ANAPC10: variants seen among roughly 807,000 people sequenced by gnomAD.
ANAPC10 encodes anaphase promoting complex subunit 10.
ANAPC10 carries 12 observed loss-of-function variants against 22.0 expected under a neutral mutation model. That is an observed-to-expected ratio of 0.55 (90% CI 0.35 to 0.88). ANAPC10 has a LOEUF of 0.88. ANAPC10 is among the 40% of genes least tolerant of loss of function. ANAPC10 has a pLI of 0.01. For missense variants in ANAPC10, 188 were observed against 220.9 expected (o/e 0.85, Z 0.94); for synonymous variants, 65 against 69.5 (o/e 0.94, Z 0.32).
intron 4 of ANAPC10, among the ~76,000 whole-genome samples, chr4:145,028,358 G>A (rs760159857): frequency 7.2e-5 from 11 of 152,112 alleles, no homozygotes; most frequent in Non-Finnish European, 1.2e-4. Context: ...TCGAACATAG[G>A]ACTCCCAAGT....
In ANAPC10 at chr4:145,064,299, G is replaced by A. The variant is rs551060032; in HGVS notation, c.327+273C>T. On this transcript the variant is annotated intron_variant, in intron 4 of 4. Transcript: ENST00000507656. The stretch of plus-strand genomic sequence containing the variant: ...CAAATATAGCAAAATATTAACAACT[G>A]AAGAATCTAGGAAGTGAGTATACTG... 18 of 224,674 alleles carry A rather than the reference G, an allele frequency of 8.0e-5. No homozygotes were observed. In the East Asian group the frequency reaches 1.5e-3, roughly 19 times the overall value. 13.9% of individuals were successfully genotyped at this position (224,674 alleles called of 1,614,324 possible). A position where few individuals can be genotyped will look rare whatever the true frequency, so the allele number is the denominator to read the frequency against.
intron 4 of ANAPC10, among the ~76,000 whole-genome samples, chr4:145,003,151 T>C (rs1732834167): frequency 6.6e-6 from 1 of 152,218 alleles, no homozygotes; most frequent in South Asian, 2.1e-4. Flanking sequence ...TTGCTTAGGA[T>C]ACTGGCATCC....
chr4:145,047,142 G>T (rs1488778462), intron 4 of ANAPC10, among the ~76,000 whole-genome samples: 1 of 151,996 alleles, frequency 6.6e-6, no homozygotes, highest in Non-Finnish European at 1.5e-5. Context: ...AAAAAACAGA[G>T]AAATTGTACT....
At chr4:145,036,995 C>CGTGTGTGTGTGTGTGTGTGTGTGT (rs202100756) in intron 4 of ANAPC10, among the ~76,000 whole-genome samples, 2 of 131,122 alleles carry the variant, frequency 1.5e-5, no homozygotes, top group Admixed American at 7.7e-5. Flanking sequence ...AAATAGATAA[C>CGTGTGTGTGTGTGTGTGTGTGTGT]GTGTGTGTGT....
At chr4:145,007,868 CAAA>C (rs141363598) in intron 4 of ANAPC10, among the ~76,000 whole-genome samples, 40 of 145,568 alleles carry the variant, frequency 2.7e-4, no homozygotes, top group African/African-American at 9.7e-4. Context: ...AAAAACCCTT[CAAA>C]AAAAAAAAAA....
chr4:145,086,015 G>C (rs887555409), intron 2 of ANAPC10, among the ~76,000 whole-genome samples: 1 of 151,900 alleles, frequency 6.6e-6, no homozygotes, highest in East Asian at 1.9e-4. Context: ...CCTTTGCAGG[G>C]GGCAGAGCTT....
chr4:145,045,747 A>G (rs1156258756), intron 4 of ANAPC10, among the ~76,000 whole-genome samples: 1 of 152,070 alleles, frequency 6.6e-6, no homozygotes, highest in Non-Finnish European at 1.5e-5. Context: ...TCACACGTCA[A>G]TACTCCTGAT....
At chr4:145,032,002 G>A (rs909712622) in intron 4 of ANAPC10, among the ~76,000 whole-genome samples, 1 of 152,164 alleles carries the variant, frequency 6.6e-6, no homozygotes, top group Admixed American at 6.5e-5. Flanking sequence ...GAGCAGGTCC[G>A]GAAGGCACAA....
chr4:145,055,636 C>T (rs1014901250), intron 4 of ANAPC10, among the ~76,000 whole-genome samples: 1 of 151,668 alleles, frequency 6.6e-6, no homozygotes, highest in African/African-American at 2.4e-5. Context: ...GTACATTATG[C>T]TAAGTGAAGT....
At chr4:145,050,447 C>A (rs189759725) in intron 4 of ANAPC10, among the ~76,000 whole-genome samples, 59 of 152,290 alleles carry the variant, frequency 3.9e-4, no homozygotes, top group African/African-American at 1.4e-3. Flanking sequence ...GTGAGGGCTG[C>A]CTTCAACTTG....
chr4:145,094,657 T>G (rs747432070), intron 2 of ANAPC10, among the ~76,000 whole-genome samples: 8 of 152,170 alleles, frequency 5.3e-5, no homozygotes, highest in Non-Finnish European at 1.0e-4. Context: ...CTAAAGAAAT[T>G]TCTCCAAGCT....
At chr4:145,049,179 A>G (rs2089080102) in intron 4 of ANAPC10, among the ~76,000 whole-genome samples, 2 of 152,214 alleles carry the variant, frequency 1.3e-5, no homozygotes, top group African/African-American at 4.8e-5. Flanking sequence ...AACAAGTTGT[A>G]ATTTTTTTTG....
intron 4 of ANAPC10, among the ~76,000 whole-genome samples, chr4:145,033,747 G>C (rs1737996383): frequency 6.6e-6 from 1 of 152,200 alleles, no homozygotes; most frequent in Non-Finnish European, 1.5e-5. Flanking sequence ...AAGGCAAAGG[G>C]AATACAGAAC....
At chr4:145,016,906 C>T (rs1714273636) in intron 4 of ANAPC10, among the ~76,000 whole-genome samples, 1 of 152,132 alleles carries the variant, frequency 6.6e-6, no homozygotes, top group African/African-American at 2.4e-5. Context: ...GTTGGGAAAA[C>T]TGGCTAGCCA....
At chr4:145,076,623 G>C (rs531987014) in intron 3 of ANAPC10, among the ~76,000 whole-genome samples, 1 of 152,258 alleles carries the variant, frequency 6.6e-6, no homozygotes. Context: ...ACAGACATTT[G>C]GAATTCAGAA....
Position 145,053,004 on chromosome 4 carries a change from C to T in ANAPC10, c.327+11568G>A, listed in dbSNP as rs544744551. Among the ~76,000 whole-genome samples the T allele has an allele frequency of 2.6e-5, 4 of 151,928 alleles. 1 individual carries two copies. In the East Asian group the frequency reaches 7.7e-4, roughly 29 times the overall value. Reference sequence around the variant, plus strand: ...AGCAGTTGCCAGTGTACTATAAATACTATTATTATTTTAGCTAAGTGTGCC... The same window carrying T: ...AGCAGTTGCCAGTGTACTATAAATATTATTATTATTTTAGCTAAGTGTGCC... On this transcript the variant is annotated intron_variant, in intron 4 of 4. Coordinates refer to ENST00000507656, the MANE Select transcript of ANAPC10 (RefSeq NM_001256706.2).
intron 4 of ANAPC10, among the ~76,000 whole-genome samples, chr4:145,039,228 G>T (rs1739124487): frequency 6.6e-6 from 1 of 152,142 alleles, no homozygotes; most frequent in Non-Finnish European, 1.5e-5. Context: ...AAAATTCTAA[G>T]GAAAATTATT....
intron 4 of ANAPC10, among the ~76,000 whole-genome samples, chr4:145,043,243 A>G (rs1283347816): frequency 6.6e-6 from 1 of 152,164 alleles, no homozygotes; most frequent in African/African-American, 2.4e-5. Context: ...AAAAAATAAG[A>G]TGAAGTTTTG....
chr4:145,012,803 T>A (rs770254559), intron 4 of ANAPC10, among the ~76,000 whole-genome samples: 9 of 152,166 alleles, frequency 5.9e-5, no homozygotes, highest in Non-Finnish European at 1.0e-4. Context: ...ACTATTTTTA[T>A]AAGGCCTTGA....
Sources: allele counts gnomAD v4.1 joint callset (sites outside exome capture counted in the v4.1 genomes callset), GRCh38; gene constraint gnomAD v4.1.1; transcripts MANE v1.5; gene names NCBI Gene and HGNC (gene_info 2026-07-23, HGNC 2026-07-21).